Variants in DNAH3 observed in about 807,000 individuals in gnomAD.
DNAH3 encodes the protein dynein axonemal heavy chain 3, also known as axonemal beta dynein heavy chain 3.
A neutral mutation model predicts 432.5 loss-of-function variants in DNAH3; 332 were observed. That is an observed-to-expected ratio of 0.77 (90% CI 0.70 to 0.84). DNAH3 has a LOEUF of 0.84. DNAH3 is among the 40% of genes least tolerant of loss of function. The pLI is 0.00. For synonymous variants in DNAH3, 1,956 were observed against 1,900.2 expected, an observed-to-expected ratio of 1.03 and a Z score of -0.76; for missense variants, 4,861 against 5,114.0, an observed-to-expected ratio of 0.95 and a Z score of 1.51.
chr16:21,045,481 C>T lies in DNAH3; in HGVS notation c.4462-3278G>A, dbSNP rs879866936. On this transcript the variant is annotated intron_variant, in intron 31 of 61. Coordinates refer to ENST00000261383, the Ensembl canonical transcript of DNAH3. Reference sequence around the variant, plus strand: ...TTGCGTAGAGGTGTTTGTAGTATTCCCTGATGGTAGTTTGTATTTCTGTGG... The same window carrying T: ...TTGCGTAGAGGTGTTTGTAGTATTCTCTGATGGTAGTTTGTATTTCTGTGG... Among the ~76,000 whole-genome samples, 494 of 148,482 alleles carry T rather than the reference C, an allele frequency of 3.3e-3. 1 individual carries two copies. The highest frequency in any genetic ancestry group is 4.2e-3 in the Admixed American group (63 of 14,962).
chr16:20,953,348 G>A (rs1274549647), intron 55 of DNAH3, among the ~76,000 whole-genome samples: 2 of 152,056 alleles, frequency 1.3e-5, no homozygotes, highest in East Asian at 1.9e-4. Flanking sequence ...TAGTAGAGAC[G>A]GGGATTCGCC....
intron 53 of DNAH3, among the ~76,000 whole-genome samples, chr16:20,959,948 C>G (rs1159000059): frequency 6.6e-6 from 1 of 151,936 alleles, no homozygotes; most frequent in African/African-American, 2.4e-5. Context: ...CATCAAATAA[C>G]TAGGAAACTG....
At chr16:20,985,761 G>A in intron 47 of DNAH3, 46 bp from the exon 48 acceptor site, 2 of 1,581,588 alleles carry the variant, frequency 1.3e-6, no homozygotes, top group Non-Finnish European at 8.6e-7. Context: ...GAATGGCCCA[G>A]CCAGGCTGGT....
rs373976808 is a variant in DNAH3, at chr16:21,159,376, C to T, written c.66G>A (p.Gln22=). 9 of 1,614,052 alleles carry T rather than the reference C, an allele frequency of 5.6e-6. No individual in the cohort carries two copies. The African/African-American group carries it at 8.0e-5, about 14-fold the overall frequency. ...CTTGGGTCTCCCTGGCTTTTGAACG[C>T]TGAAAGGCTGGGCCCGGATGGGGAG... is the stretch of plus-strand genomic sequence containing the variant. Residue 22 remains glutamine (Q), a synonymous_variant, in exon 1 of 62, where the codon CAG becomes CAA. Coordinates refer to ENST00000261383, the Ensembl canonical transcript of DNAH3.
exon 25 of DNAH3, chr16:21,062,487 C>T: frequency 6.2e-7 from 1 of 1,614,032 alleles, no homozygotes; most frequent in South Asian, 1.1e-5. Flanking sequence ...GTTACCTTGG[C>T]ATTAGCTGGG....
intron 57 of DNAH3, 40 bp downstream of exon 57, chr16:20,948,443 C>T (rs1461655826): frequency 6.3e-7 from 1 of 1,599,920 alleles, no homozygotes; most frequent in Non-Finnish European, 8.5e-7. Flanking sequence ...TGACGGAGCC[C>T]TGTGGGGGAA....
intron 51 of DNAH3, among the ~76,000 whole-genome samples, chr16:20,972,232 T>TTC (rs199706343): frequency 2.0e-5 from 3 of 149,908 alleles, no homozygotes; most frequent in Admixed American, 1.3e-4. Context: ...TGATTTTTTT[T>TTC]TCTCTCTTTT....
At chr16:21,087,821 CT>C (rs2091425582) in intron 18 of DNAH3, among the ~76,000 whole-genome samples, 1 of 152,062 alleles carries the variant, frequency 6.6e-6, no homozygotes, top group African/African-American at 2.4e-5. Flanking sequence ...TCACTTGAGC[CT>C]AGGAGGTGGA....
chr16:21,131,768 T>C (rs6497531), intron 7 of DNAH3, among the ~76,000 whole-genome samples: 42,354 of 148,800 alleles, frequency 0.28, 6,039 homozygotes, highest in African/African-American at 0.34. Context: ...GCAGGAGAAA[T>C]GTTTGAACCT....
At chr16:21,063,951 T>C (rs564250042) in intron 24 of DNAH3, among the ~76,000 whole-genome samples, 2 of 152,232 alleles carry the variant, frequency 1.3e-5, no homozygotes, top group South Asian at 4.1e-4. Context: ...ACCTGTACTG[T>C]GACCATCAGG....
chr16:21,003,003 G>A, intron 42 of DNAH3, 101 bp downstream of exon 42: 1 of 783,620 alleles, frequency 1.3e-6, no homozygotes, highest in Admixed American at 2.4e-5. Flanking sequence ...TCTAAAGAAA[G>A]CCCTTAAAAC....
chr16:21,151,539 GC>G (rs2092853177), intron 1 of DNAH3, among the ~76,000 whole-genome samples: 1 of 151,806 alleles, frequency 6.6e-6, no homozygotes, highest in South Asian at 2.1e-4. Flanking sequence ...CTCGTGATCC[GC>G]CCACCTCGGC....
chr16:21,102,219 G>A (rs2091854734), intron 16 of DNAH3, among the ~76,000 whole-genome samples: 1 of 152,152 alleles, frequency 6.6e-6, no homozygotes, highest in South Asian at 2.1e-4. Context: ...GGAACCAGCG[G>A]ATGAGATCAA....
At chr16:21,069,677 C>T (rs971358476) in intron 22 of DNAH3, 83 bp from the exon 23 acceptor site, 10 of 1,193,098 alleles carry the variant, frequency 8.4e-6, no homozygotes, top group East Asian at 7.1e-5. Context: ...TGGATGGAGC[C>T]GTACATTTAT....
intron 18 of DNAH3, among the ~76,000 whole-genome samples, chr16:21,095,909 T>G (rs1352799251): frequency 2.6e-5 from 4 of 152,004 alleles, no homozygotes; most frequent in Non-Finnish European, 1.5e-5. Flanking sequence ...GGACTATAGG[T>G]GCACACCACC....
intron 14 of DNAH3, among the ~76,000 whole-genome samples, chr16:21,108,147 C>T (rs2091990396): frequency 6.6e-6 from 1 of 152,202 alleles, no homozygotes; most frequent in African/African-American, 2.4e-5. Flanking sequence ...GCTGGGATTA[C>T]AGGCGTAAGC....
In DNAH3 at chr16:21,003,150, G is replaced by A. The variant is rs773835897; in HGVS notation, c.6080C>T (p.Thr2027Ile). 1.2e-4 allele frequency: 191 copies of A among 1,612,670 alleles called. No individual in the cohort carries two copies. The highest frequency in any genetic ancestry group is 1.6e-4 in the Non-Finnish European group (185 of 1,179,616). ...TTCCTCCTCTTTGGTGATATACTGT[G>A]TCCACGTTTCCCAATGTCCACTAGC... The change falls in exon 42 of 62, where the codon ACA (threonine) becomes ATA (isoleucine). Residue 2027 changes from threonine (T) to isoleucine (I), a missense_variant. By Grantham distance (89) the Thr-to-Ile change is moderately conservative. Coordinates refer to ENST00000261383, the Ensembl canonical transcript of DNAH3.
chr16:21,054,717 T>G (rs183584424), intron 27 of DNAH3, among the ~76,000 whole-genome samples, 183 bp from the exon 28 acceptor site: 32 of 152,330 alleles, frequency 2.1e-4, no homozygotes, highest in Admixed American at 5.2e-4. Context: ...TGCATTATGC[T>G]GAAAGAGGCA....
chr16:21,102,598 A>G (rs2091862271), intron 16 of DNAH3, among the ~76,000 whole-genome samples: 3 of 152,218 alleles, frequency 2.0e-5, no homozygotes, highest in Non-Finnish European at 2.9e-5. Flanking sequence ...CAGAGTCTCA[A>G]AAAGATGAGC....
Sources: gnomAD v4.1 joint callset for allele counts (sites outside exome capture counted in the v4.1 genomes callset) on GRCh38, gnomAD v4.1.1 for gene constraint, MANE v1.5 for transcripts, NCBI Gene and HGNC (gene_info 2026-07-23, HGNC 2026-07-21) for gene names.